EVI5: variants seen among roughly 807,000 people sequenced by gnomAD.
EVI5 encodes ecotropic viral integration site 5, also known as ecotropic viral integration site 5 protein homolog.
EVI5 carries 73 observed loss-of-function variants against 112.0 expected under a neutral mutation model. The ratio of observed to expected loss-of-function variants is 0.65; its 90% CI spans 0.54 to 0.79. The LOEUF is 0.79. EVI5 is among the 30% of genes least tolerant of loss of function. The pLI, the probability that EVI5 is intolerant of heterozygous loss-of-function variation, is 0.00. For missense variants in EVI5, 900 were observed against 968.8 expected (o/e 0.93, Z 0.94); for synonymous variants, 305 against 319.9 (o/e 0.95, Z 0.50).
chr1:92,584,095 C>G (rs1334739168), intron 18 of EVI5, among the ~76,000 whole-genome samples: 2 of 152,040 alleles, frequency 1.3e-5, no homozygotes, highest in African/African-American at 2.4e-5. Flanking sequence ...AAGCGTAAAG[C>G]TTTCATTTTA....
intron 9 of EVI5, among the ~76,000 whole-genome samples, chr1:92,688,352 T>C (rs916944963): frequency 2.6e-5 from 4 of 151,996 alleles, no homozygotes; most frequent in Non-Finnish European, 5.9e-5. Context: ...GTTGTGCACA[T>C]GTACCCTAGA....
intron 2 of EVI5, among the ~76,000 whole-genome samples, chr1:92,717,933 G>T (rs1324130857): frequency 6.6e-6 from 1 of 150,790 alleles, no homozygotes; most frequent in African/African-American, 2.4e-5. Flanking sequence ...AACCAACAAA[G>T]ATCAAAAGAG....
rs1233895761 is a variant in EVI5, at chr1:92,702,183, G to C, written c.597C>G (p.Tyr199Ter). 2.0e-6 allele frequency: 3 copies of C among 1,511,832 alleles called. No individual in the cohort carries two copies. The allele number at this position is 1,511,832 out of a possible 1,614,324, so 93.7% of individuals were successfully genotyped here. Residue 199 changes from tyrosine (Y) to a stop codon, truncating the protein, a stop_gained, in exon 5 of 20, where the codon TAC (tyrosine) becomes TAG (stop). Transcript: ENST00000684568. LOFTEE classifies it high-confidence loss of function. The part of the protein sequence containing the change: ...AYSLVDREVG[Y>*]CQGSAFIVGL... ...CAACTATAAAAGCACTTCCTTGACA[G>C]TAACCAACCTCACGATCTACTAAAG...
At chr1:92,769,310 C>A (rs931415493) in intron 1 of EVI5, among the ~76,000 whole-genome samples, 2 of 152,122 alleles carry the variant, frequency 1.3e-5, no homozygotes, top group African/African-American at 4.8e-5. Flanking sequence ...ATCAAGATTT[C>A]TTTTCTAATA....
chr1:92,520,360 T>C (rs972978646), intron 19 of EVI5, among the ~76,000 whole-genome samples: 11 of 152,202 alleles, frequency 7.2e-5, no homozygotes, highest in African/African-American at 2.4e-4. Context: ...ATAAGCTTGC[T>C]GTTCTGTTGT....
At chr1:92,570,127 T>C (rs895300165) in intron 18 of EVI5, among the ~76,000 whole-genome samples, 1 of 152,086 alleles carries the variant, frequency 6.6e-6, no homozygotes, top group Non-Finnish European at 1.5e-5. Flanking sequence ...AGAATGCTCA[T>C]TCATATAAAA....
At chr1:92,637,024 C>A (rs571341569) in intron 13 of EVI5, among the ~76,000 whole-genome samples, 1 of 151,922 alleles carries the variant, frequency 6.6e-6, no homozygotes, top group East Asian at 1.9e-4. Flanking sequence ...AGAAAAAAAA[C>A]AGGGTACCTA....
upstream of EVI5, among the ~76,000 whole-genome samples, chr1:92,788,950 T>C (rs1243046728): frequency 1.3e-5 from 2 of 152,190 alleles, no homozygotes; most frequent in African/African-American, 2.4e-5. Flanking sequence ...CCTCATGGGG[T>C]AGGTATTATT....
chr1:92,558,190 G>A (rs2100835547), intron 19 of EVI5, among the ~76,000 whole-genome samples: 1 of 152,126 alleles, frequency 6.6e-6, no homozygotes, highest in African/African-American at 2.4e-5. Context: ...GGTGGTTTTG[G>A]TCCTCTCCTG....
At chr1:92,643,945 T>C (rs1433019082) in intron 13 of EVI5, among the ~76,000 whole-genome samples, 4 of 152,110 alleles carry the variant, frequency 2.6e-5, no homozygotes, top group Admixed American at 2.6e-4. Flanking sequence ...TGTTTATAAC[T>C]AATAAATGTA....
At chr1:92,613,579 C>T (rs1378406930) in intron 16 of EVI5, among the ~76,000 whole-genome samples, 1 of 152,066 alleles carries the variant, frequency 6.6e-6, no homozygotes, top group East Asian at 1.9e-4. Flanking sequence ...CGTGAGCCAC[C>T]ACGCCCAGCC....
chr1:92,780,723 CTT>C (rs1684749195), intron 1 of EVI5, among the ~76,000 whole-genome samples: 1 of 152,040 alleles, frequency 6.6e-6, no homozygotes, highest in South Asian at 2.1e-4. Flanking sequence ...AAAAGTGAAT[CTT>C]GGCCCGGTGC....
chr1:92,666,634 A>C, intron 10 of EVI5, among the ~76,000 whole-genome samples: 4 of 146,416 alleles, frequency 2.7e-5, no homozygotes, highest in East Asian at 2.2e-4. Flanking sequence ...AGGGGAGGGA[A>C]GGGGAGAAGA....
At chr1:92,579,884 A>T (rs1434391446) in intron 18 of EVI5, among the ~76,000 whole-genome samples, 2 of 152,200 alleles carry the variant, frequency 1.3e-5, no homozygotes, top group Non-Finnish European at 2.9e-5. Context: ...GTAGAAATGT[A>T]TTATAGTTTG....
chr1:92,773,251 G>T (rs1341210917), intron 1 of EVI5, among the ~76,000 whole-genome samples: 1 of 150,320 alleles, frequency 6.7e-6, no homozygotes. Context: ...CCAAATAGGA[G>T]ATAGGACAAA....
At chr1:92,534,985 C>G (rs1663598122) in intron 19 of EVI5, among the ~76,000 whole-genome samples, 1 of 151,946 alleles carries the variant, frequency 6.6e-6, no homozygotes, top group South Asian at 2.1e-4. Context: ...GGTGAAAAGG[C>G]AACATACAGA....
chr1:92,553,678 C>T (rs1667300338), intron 19 of EVI5, among the ~76,000 whole-genome samples: 1 of 152,118 alleles, frequency 6.6e-6, no homozygotes, highest in African/African-American at 2.4e-5. Context: ...ATGCAATCAG[C>T]CAACCTCGGT....
At chr1:92,674,336 C>A (rs370244686) in intron 10 of EVI5, among the ~76,000 whole-genome samples, 18 of 152,046 alleles carry the variant, frequency 1.2e-4, no homozygotes, top group Admixed American at 2.6e-4. Context: ...ACATATACAC[C>A]ATGGAATACT....
intron 2 of EVI5, among the ~76,000 whole-genome samples, chr1:92,711,481 T>C (rs183542098): frequency 7.2e-5 from 11 of 152,280 alleles, no homozygotes; most frequent in African/African-American, 2.6e-4. Context: ...AGAAAAACGC[T>C]GTATGATACA....
Sources: allele counts gnomAD v4.1 joint callset (sites outside exome capture counted in the v4.1 genomes callset), GRCh38; gene constraint gnomAD v4.1.1; transcripts MANE v1.5; gene names NCBI Gene and HGNC (gene_info 2026-07-23, HGNC 2026-07-21).